The following KIAA1328 variants were observed in gnomAD, a reference collection of about 807,000 sequenced individuals.
KIAA1328 encodes the protein protein hinderin.
KIAA1328 carries 52 observed loss-of-function variants against 68.1 expected under a neutral mutation model. The ratio of observed to expected loss-of-function variants is 0.76; its 90% CI spans 0.61 to 0.96. The LOEUF is 0.96. Ranked by LOEUF, KIAA1328 falls within the 40% of genes least tolerant of loss-of-function variation. The pLI, the probability that KIAA1328 is intolerant of heterozygous loss-of-function variation, is 0.00. For synonymous variants in KIAA1328, 232 were observed against 239.4 expected (o/e 0.97, Z 0.28); for missense variants, 641 against 677.6 (o/e 0.95, Z 0.60).
chr18:37,217,384 A>G lies in KIAA1328; in HGVS notation c.1524-4633A>G, dbSNP rs150952119. Among the ~76,000 whole-genome samples, 492 of 152,200 alleles carry G rather than the reference A, an allele frequency of 3.2e-3. 2 individuals are homozygous for G. The highest frequency in any genetic ancestry group is 0.017 in the Middle Eastern group (5 of 294). Reference sequence around the variant, plus strand: ...CCTGGTGGTGACAAAATCTCTCAGCATTTGCTTATCTATAAAGGATTTTAT... The same window carrying G: ...CCTGGTGGTGACAAAATCTCTCAGCGTTTGCTTATCTATAAAGGATTTTAT... On this transcript the variant is annotated intron_variant, in intron 9 of 9. Coordinates refer to ENST00000280020, the MANE Select transcript of KIAA1328 (RefSeq NM_020776.3).
chr18:37,121,410 T>G (rs1292999336), intron 7 of KIAA1328, among the ~76,000 whole-genome samples: 2 of 143,784 alleles, frequency 1.4e-5, no homozygotes, highest in Admixed American at 7.1e-5. Context: ...GCCATCATTT[T>G]AGGACTTCTA....
chr18:36,854,120 G>A (rs914296897), intron 4 of KIAA1328, among the ~76,000 whole-genome samples: 4 of 152,092 alleles, frequency 2.6e-5, no homozygotes, highest in Non-Finnish European at 4.4e-5. Context: ...CCAACATGAC[G>A]GTTACCTATA....
intron 5 of KIAA1328, among the ~76,000 whole-genome samples, chr18:36,909,766 TC>T (rs2049361715): frequency 6.6e-6 from 1 of 152,186 alleles, no homozygotes; most frequent in African/African-American, 2.4e-5. Flanking sequence ...GTAAAAGTGT[TC>T]CTATTTCTTC....
intron 6 of KIAA1328, among the ~76,000 whole-genome samples, chr18:37,064,536 A>ACC (rs35629735): frequency 0.025 from 2,857 of 116,314 alleles, 104 homozygotes; most frequent in African/African-American, 0.074. Context: ...GACTGAAAGT[A>ACC]CCCCCCCCCC....
intron 9 of KIAA1328, among the ~76,000 whole-genome samples, chr18:37,203,044 T>G (rs1599584496): frequency 6.7e-6 from 1 of 148,798 alleles, no homozygotes; most frequent in Non-Finnish European, 1.5e-5. Context: ...AATCTATTTC[T>G]CCCCCTTTTC....
At chr18:37,210,914 G>A (rs2060303932) in intron 9 of KIAA1328, among the ~76,000 whole-genome samples, 1 of 152,092 alleles carries the variant, frequency 6.6e-6, no homozygotes, top group Non-Finnish European at 1.5e-5. Flanking sequence ...AACAAAATTA[G>A]CAATGAGGTA....
chr18:37,189,532 G>A (rs2059865267), intron 9 of KIAA1328, among the ~76,000 whole-genome samples: 1 of 152,090 alleles, frequency 6.6e-6, no homozygotes, highest in African/African-American at 2.4e-5. Flanking sequence ...TATTCATGTA[G>A]CCTTTGCAAA....
intron 6 of KIAA1328, among the ~76,000 whole-genome samples, chr18:36,977,676 C>G (rs1255449995): frequency 6.6e-6 from 1 of 152,088 alleles, no homozygotes; most frequent in Admixed American, 6.5e-5. Context: ...AACCCAGAAA[C>G]AAGGTGTTTC....
At chr18:36,841,694 TA>T (rs1210831749) in intron 3 of KIAA1328, among the ~76,000 whole-genome samples, 1 of 152,174 alleles carries the variant, frequency 6.6e-6, no homozygotes, top group Non-Finnish European at 1.5e-5. Flanking sequence ...AAAAGAGCCA[TA>T]AGCAATATGC....
intron 6 of KIAA1328, among the ~76,000 whole-genome samples, chr18:37,037,239 A>G (rs1164381118): frequency 2.0e-5 from 3 of 152,174 alleles, no homozygotes; most frequent in Admixed American, 6.5e-5. Flanking sequence ...CTGAAATGAG[A>G]TAAAGTTGGA....
At chr18:37,189,548 T>C (rs528696036) in intron 9 of KIAA1328, among the ~76,000 whole-genome samples, 32 of 152,342 alleles carry the variant, frequency 2.1e-4, no homozygotes, top group Admixed American at 7.2e-4. Flanking sequence ...GCAAAAATTA[T>C]GAAATACTGT....
intron 9 of KIAA1328, among the ~76,000 whole-genome samples, chr18:37,176,382 CATCTATCTCATGCTAACAAAATAAAT>C (rs1044584256): frequency 2.0e-5 from 3 of 152,166 alleles, no homozygotes; most frequent in Non-Finnish European, 4.4e-5. Context: ...TAGAAATATT[CATCTATCTCATGCTAACAAAATAAAT>C]ATGTAATTTA....
chr18:37,034,038 C>T (rs2054933888), intron 6 of KIAA1328, among the ~76,000 whole-genome samples: 1 of 151,990 alleles, frequency 6.6e-6, no homozygotes, highest in Non-Finnish European at 1.5e-5. Flanking sequence ...AAGTGTGTTC[C>T]TTGTTACTCC....
At chr18:36,993,783 GT>G (rs2053282416) in intron 6 of KIAA1328, among the ~76,000 whole-genome samples, 1 of 152,208 alleles carries the variant, frequency 6.6e-6, no homozygotes, top group South Asian at 2.1e-4. Flanking sequence ...CATATTTAAA[GT>G]TTTGGGGGTA....
intron 9 of KIAA1328, among the ~76,000 whole-genome samples, chr18:37,219,517 C>T (rs1163959098): frequency 6.6e-6 from 1 of 152,160 alleles, no homozygotes; most frequent in African/African-American, 2.4e-5. Flanking sequence ...TGTTTACCTA[C>T]TGAAGCCTCA....
At chr18:37,217,059 T>A (rs1458173044) in intron 9 of KIAA1328, among the ~76,000 whole-genome samples, 2 of 151,280 alleles carry the variant, frequency 1.3e-5, no homozygotes, top group African/African-American at 2.4e-5. Context: ...AGCCTGTGTG[T>A]GTCTCTGCAC....
chr18:37,110,109 A>C (rs1370219340), intron 7 of KIAA1328, among the ~76,000 whole-genome samples: 1 of 151,996 alleles, frequency 6.6e-6, no homozygotes, highest in Non-Finnish European at 1.5e-5. Context: ...CAATAAATGG[A>C]GATTAGTCTG....
At chr18:37,221,752 C>G (rs2060567288) in intron 9 of KIAA1328, among the ~76,000 whole-genome samples, 1 of 152,140 alleles carries the variant, frequency 6.6e-6, no homozygotes, top group Admixed American at 6.5e-5. Context: ...CATGATTACT[C>G]TTCCCACTCT....
chr18:36,952,851 C>T (rs1234492081), intron 5 of KIAA1328, among the ~76,000 whole-genome samples: 4 of 152,074 alleles, frequency 2.6e-5, no homozygotes, highest in South Asian at 2.1e-4. Flanking sequence ...ACCAAGGACT[C>T]GTGATTGTAG....
Sources: gnomAD v4.1 joint callset for allele counts (sites outside exome capture counted in the v4.1 genomes callset) on GRCh38, gnomAD v4.1.1 for gene constraint, MANE v1.5 for transcripts, NCBI Gene and HGNC (gene_info 2026-07-23, HGNC 2026-07-21) for gene names.